Variants in AKR1C8 observed in about 807,000 individuals in gnomAD.
AKR1C8 encodes aldo-keto reductase family 1 member C8, also known as aldo-keto reductase family 1 member C-like protein 1.
the AKR1C8 span, among the ~76,000 whole-genome samples, chr10:5,161,559 G>T: frequency 6.6e-6 from 1 of 152,108 alleles, no homozygotes; most frequent in Non-Finnish European, 1.5e-5. Flanking sequence ...CTTCCATTCA[G>T]GAACACAAGC....
At chr10:5,132,026 T>G in the AKR1C8 span, among the ~76,000 whole-genome samples, 5 of 152,168 alleles carry the variant, frequency 3.3e-5, no homozygotes, top group African/African-American at 1.2e-4. Context: ...AATAATGTCT[T>G]TTGTAGCAAC....
chr10:5,179,975 G>A, the AKR1C8 span, among the ~76,000 whole-genome samples: 2 of 152,162 alleles, frequency 1.3e-5, no homozygotes, highest in South Asian at 2.1e-4. Flanking sequence ...CTCTCAACTT[G>A]TCAAAGTCAT....
At chr10:5,183,407 C>T in the AKR1C8 span, among the ~76,000 whole-genome samples, 2 of 152,218 alleles carry the variant, frequency 1.3e-5, no homozygotes, top group South Asian at 2.1e-4. Context: ...TATCAACAAC[C>T]TCAGAATTTT....
chr10:5,171,451 A>G, the AKR1C8 span, among the ~76,000 whole-genome samples: 1,255 of 152,192 alleles, frequency 8.2e-3, 14 homozygotes, highest in African/African-American at 0.029. Context: ...TAATGTATTC[A>G]TATAAATATA....
At chr10:5,130,515 A>G in the AKR1C8 span, among the ~76,000 whole-genome samples, 1 of 151,962 alleles carries the variant, frequency 6.6e-6, no homozygotes, top group Non-Finnish European at 1.5e-5. Flanking sequence ...ATAATCATAT[A>G]CCTACAAAAC....
chr10:5,150,577 T>G, the AKR1C8 span, among the ~76,000 whole-genome samples: 1 of 152,100 alleles, frequency 6.6e-6, no homozygotes, highest in Non-Finnish European at 1.5e-5. Context: ...TTAGGAGCCC[T>G]AATATTTGTG....
At chr10:5,166,660 C>T in the AKR1C8 span, among the ~76,000 whole-genome samples, 22 of 152,236 alleles carry the variant, frequency 1.4e-4, no homozygotes, top group South Asian at 6.2e-4. Flanking sequence ...AAGACTTAAA[C>T]GATAGACCTA....
chr10:5,132,785 A>C, the AKR1C8 span: 1 of 1,178,708 alleles, frequency 8.5e-7, no homozygotes, highest in Non-Finnish European at 1.2e-6. Flanking sequence ...GGAGTAATGA[A>C]AAGTAGTATT....
chr10:5,132,570 A>C, the AKR1C8 span: 2 of 1,481,550 alleles, frequency 1.3e-6, no homozygotes, highest in Non-Finnish European at 1.8e-6. Flanking sequence ...CATTAAATAC[A>C]TGTGCATGCA....
chr10:5,135,533 G>A, the AKR1C8 span, among the ~76,000 whole-genome samples: 2 of 150,228 alleles, frequency 1.3e-5, no homozygotes, highest in African/African-American at 4.9e-5. Flanking sequence ...CTATCTATCT[G>A]GCTATCTATT....
At chr10:5,132,213 C>G in the AKR1C8 span, among the ~76,000 whole-genome samples, 1 of 152,096 alleles carries the variant, frequency 6.6e-6, no homozygotes, top group Non-Finnish European at 1.5e-5. Flanking sequence ...GGATAAAAGC[C>G]TACATATTGA....
the AKR1C8 span, among the ~76,000 whole-genome samples, chr10:5,156,079 G>C: frequency 6.6e-6 from 1 of 152,140 alleles, no homozygotes; most frequent in African/African-American, 2.4e-5. Context: ...AGAAAATAAA[G>C]TATGCAAAAT....
chr10:5,170,618 G>T, the AKR1C8 span, among the ~76,000 whole-genome samples: 2 of 152,084 alleles, frequency 1.3e-5, no homozygotes, highest in African/African-American at 2.4e-5. Context: ...TTCCTGGCCT[G>T]CTAGAAAGTG....
At chr10:5,140,004 C>T in the AKR1C8 span, among the ~76,000 whole-genome samples, 15 of 152,138 alleles carry the variant, frequency 9.9e-5, no homozygotes, top group Non-Finnish European at 2.1e-4. Flanking sequence ...ATAGACACTT[C>T]TCAAAAGAAG....
chr10:5,180,688 T>G, the AKR1C8 span, among the ~76,000 whole-genome samples: 1 of 152,234 alleles, frequency 6.6e-6, no homozygotes, highest in Non-Finnish European at 1.5e-5. Context: ...GCCTGGGCAA[T>G]GGCGGGTGCC....
At chr10:5,132,569 C>T in the AKR1C8 span, 3 of 1,478,004 alleles carry the variant, frequency 2.0e-6, no homozygotes, top group African/African-American at 2.8e-5. Context: ...ACATTAAATA[C>T]ATGTGCATGC....
the AKR1C8 span, chr10:5,162,980 A>G: frequency 3.7e-6 from 2 of 534,568 alleles, no homozygotes; most frequent in Non-Finnish European, 7.7e-6. Flanking sequence ...GCCTACGTCA[A>G]TAGCCACTTT....
the AKR1C8 span, among the ~76,000 whole-genome samples, chr10:5,150,819 A>T: frequency 6.6e-6 from 1 of 152,140 alleles, no homozygotes; most frequent in Non-Finnish European, 1.5e-5. Flanking sequence ...TCAAGACAAC[A>T]TTGTAACTGC....
chr10:5,135,156 C>A, the AKR1C8 span: 1 of 223,900 alleles, frequency 4.5e-6, no homozygotes, highest in Non-Finnish European at 9.9e-6. Flanking sequence ...TGGAGGTACA[C>A]AGGTGCCAAA....
Sources: allele counts gnomAD v4.1 joint callset (sites outside exome capture counted in the v4.1 genomes callset), GRCh38; gene constraint gnomAD v4.1.1; transcripts MANE v1.5; gene names NCBI Gene and HGNC (gene_info 2026-07-23, HGNC 2026-07-21).